BCLAF3: variants seen among roughly 807,000 people sequenced by gnomAD.
The protein encoded by BCLAF3 is transient octamer binding factor 1.
In BCLAF3, 24 loss-of-function variants were observed where a neutral mutation model predicts 51.2. The observed-to-expected ratio is 0.47, with a 90% confidence interval of 0.34 to 0.66. BCLAF3 has a LOEUF of 0.66. Ranked by LOEUF, BCLAF3 falls within the 30% of genes least tolerant of loss-of-function variation. The pLI is 0.01. For missense variants in BCLAF3, 465 were observed against 525.1 expected (o/e 0.89, Z 1.12); for synonymous variants, 152 against 176.6 (o/e 0.86, Z 1.10).
At chrX:19,923,980 T>G (rs2147695209) in intron 11 of BCLAF3, among the ~76,000 whole-genome samples, 1 of 109,827 alleles carries the variant, frequency 9.1e-6, no homozygotes, top group South Asian at 3.9e-4. Flanking sequence ...AAGCTGGGAT[T>G]GTAGAGATAG....
rs909475471 is a variant in BCLAF3 at position 19,915,363 on chromosome X, T to C, written c.*1942A>G. ...TGGTGGACAAGACAGACACGGTCCC[T>C]GTCCTTATTTTATACTCTAAATTAT... On this transcript the variant is annotated 3_prime_UTR_variant, in exon 12 of 12. Coordinates refer to ENST00000379682, the MANE Select transcript of BCLAF3 (RefSeq NM_001367774.2). The C allele has an allele frequency of 2.5e-4, 28 of 112,120 alleles. No individual in the cohort carries two copies. Among genetic ancestry groups the C allele is most frequent in the African/African-American group, 9.1e-4 (28 of 30,896 alleles). 9.2% of individuals were successfully genotyped at this position (112,120 alleles called of 1,213,427 possible). A position where few individuals can be genotyped will look rare whatever the true frequency, so the allele number is the denominator to read the frequency against.
At chrX:19,956,949 A>G (rs887016500) in intron 4 of BCLAF3, among the ~76,000 whole-genome samples, 6 of 112,065 alleles carry the variant, frequency 5.4e-5, no homozygotes, top group African/African-American at 1.9e-4. Context: ...TGTAACAGCC[A>G]TATATCCAAA....
At chrX:19,919,127 C>T (rs1158444481) in intron 11 of BCLAF3, among the ~76,000 whole-genome samples, 2 of 111,592 alleles carry the variant, frequency 1.8e-5, no homozygotes, top group African/African-American at 6.5e-5. Context: ...TTCTCCCCAA[C>T]CTCACATCCT....
chrX:19,940,276 AT>A (rs200568773), intron 8 of BCLAF3, among the ~76,000 whole-genome samples: 35,780 of 101,243 alleles, frequency 0.35, 6,475 homozygotes, highest in African/African-American at 0.67. Flanking sequence ...TTATTTATTT[AT>A]TTTTTTTTTT....
intron 1 of BCLAF3, among the ~76,000 whole-genome samples, chrX:19,977,020 T>C (rs1366097051): frequency 1.8e-5 from 2 of 111,744 alleles, no homozygotes; most frequent in Non-Finnish European, 3.8e-5. Context: ...TTGATGCTAC[T>C]ATTGTAATTG....
At chrX:19,920,239 G>A (rs1481207369) in intron 11 of BCLAF3, among the ~76,000 whole-genome samples, 3 of 111,869 alleles carry the variant, frequency 2.7e-5, no homozygotes, top group African/African-American at 3.3e-5. Flanking sequence ...CACTGGGAGA[G>A]AACCCTTGGA....
chrX:19,919,856 C>CAAA (rs763184612), intron 11 of BCLAF3, among the ~76,000 whole-genome samples: 22 of 33,481 alleles, frequency 6.6e-4, no homozygotes, highest in Non-Finnish European at 8.2e-4. Context: ...GACTTCGTCT[C>CAAA]AAAAAAAAAA....
At chrX:19,965,827 C>G in intron 3 of BCLAF3, 121 bp from the exon 4 acceptor site, 1 of 753,521 alleles carries the variant, frequency 1.3e-6, no homozygotes, top group Non-Finnish European at 1.9e-6. Context: ...AATCTATAAC[C>G]CTTTAAGCCA....
At chrX:19,971,378 C>T (rs1344801518) in intron 1 of BCLAF3, among the ~76,000 whole-genome samples, 4 of 112,401 alleles carry the variant, frequency 3.6e-5, no homozygotes, top group African/African-American at 9.7e-5. Flanking sequence ...CTACCACATC[C>T]GGTCAGAATT....
intron 8 of BCLAF3, among the ~76,000 whole-genome samples, chrX:19,942,170 G>C (rs1214529843): frequency 4.2e-5 from 2 of 47,293 alleles, no homozygotes; most frequent in Non-Finnish European, 6.7e-5. Flanking sequence ...AGGAGATTTT[G>C]GGCTGAGACA....
intron 6 of BCLAF3, 146 bp downstream of exon 6, chrX:19,953,632 T>G: frequency 2.6e-6 from 1 of 384,566 alleles, no homozygotes. Context: ...ATGCTTGGAT[T>G]ATCCTATTAT....
chrX:19,953,098 T>C, intron 6 of BCLAF3, 47 bp from the exon 7 acceptor site: 1 of 943,110 alleles, frequency 1.1e-6, no homozygotes, highest in South Asian at 2.2e-5. Context: ...TGTTATACAC[T>C]GATACCCTGA....
intron 1 of BCLAF3, among the ~76,000 whole-genome samples, chrX:19,984,847 G>A (rs1453141638): frequency 5.4e-5 from 6 of 110,600 alleles, no homozygotes; most frequent in Admixed American, 9.7e-5. Flanking sequence ...CACCACGCCC[G>A]GCTAATTTTG....
At chrX:19,965,926 C>T (rs764217198) in intron 3 of BCLAF3, among the ~76,000 whole-genome samples, 154 bp downstream of exon 3, 5 of 112,178 alleles carry the variant, frequency 4.5e-5, no homozygotes, top group African/African-American at 1.6e-4. Context: ...AAAAGAAATA[C>T]TTCACTACTA....
chrX:19,985,235 T>TA (rs1261742673), intron 1 of BCLAF3: 1 of 111,045 alleles, frequency 9.0e-6, no homozygotes, highest in Non-Finnish European at 1.9e-5. Context: ...CAATTATTAG[T>TA]AAAAATGAAA....
intron 1 of BCLAF3, among the ~76,000 whole-genome samples, chrX:19,990,177 T>C (rs970676880): frequency 1.4e-4 from 15 of 104,497 alleles, no homozygotes; most frequent in Non-Finnish European, 2.9e-4. Flanking sequence ...AATCACCTAA[T>C]AGGTAGTTCG....
chrX:19,966,347 T>A lies in BCLAF3; in HGVS notation c.344A>T (p.Lys115Ile), dbSNP rs1365021004. 1 of 1,209,770 alleles carries A rather than the reference T, an allele frequency of 8.3e-7. No individual in the cohort carries two copies. The highest frequency in any genetic ancestry group is 1.1e-6 in the Non-Finnish European group (1 of 895,163). ...TTTGTAGGGTATACCCTCTGAGTAT[T>A]TGGGCATATACTGAGCTCTCCTGTT... ...DSNRRAQYMPKYSEGIPYKEH... is the reference protein window; with the variant it reads ...DSNRRAQYMPIYSEGIPYKEH... Residue 115 changes from lysine (K) to isoleucine (I), a missense_variant, in exon 3 of 12, where the codon AAA becomes ATA. Physicochemically the swap from Lys to Ile is moderately radical, Grantham distance 102. Transcript: ENST00000379682.
At chrX:19,968,765 T>A (rs1368082194) in intron 2 of BCLAF3, among the ~76,000 whole-genome samples, 1 of 112,975 alleles carries the variant, frequency 8.9e-6, no homozygotes. Context: ...ACTCAGGCAC[T>A]AAGCTTGGCA....
rs190755875 is a variant in BCLAF3 at position 19,938,188 on chromosome X, T to G, written c.1746-656A>C. Among the ~76,000 whole-genome samples the G allele has an allele frequency of 4.5e-5, 5 of 111,166 alleles. No individual in the cohort carries two copies. In the East Asian group the frequency reaches 1.4e-3, roughly 32 times the overall value. The stretch of plus-strand genomic sequence containing the variant: ...CATTTCCACAGCCCTTGGGGATTCC[T>G]CTCCGTGTCACATCCTGCATCTCTC... On this transcript the variant is annotated intron_variant, in intron 8 of 11. Coordinates refer to ENST00000379682, the MANE Select transcript of BCLAF3 (RefSeq NM_001367774.2).
Sources: allele counts gnomAD v4.1 joint callset (sites outside exome capture counted in the v4.1 genomes callset), GRCh38; gene constraint gnomAD v4.1.1; transcripts MANE v1.5; gene names NCBI Gene and HGNC (gene_info 2026-07-23, HGNC 2026-07-21).